Variants in ZNF430 observed in about 807,000 individuals in gnomAD.
The protein encoded by ZNF430 is zinc finger protein 430.
A neutral mutation model predicts 56.7 loss-of-function variants in ZNF430; 35 were observed. That is an observed-to-expected ratio of 0.62 (90% CI 0.47 to 0.82). The LOEUF (loss-of-function observed/expected upper bound fraction) is 0.82. Ranked by LOEUF, ZNF430 falls within the 40% of genes least tolerant of loss-of-function variation. The probability of loss-of-function intolerance (pLI) is 0.00; values close to 1 mark genes in which losing one functional copy is unlikely to be tolerated. For missense variants in ZNF430, 574 were observed against 661.0 expected, an observed-to-expected ratio of 0.87 and a Z score of 1.44; for synonymous variants, 212 against 224.3, an observed-to-expected ratio of 0.94 and a Z score of 0.49.
intron 4 of ZNF430, among the ~76,000 whole-genome samples, chr19:21,051,818 A>T (rs1599507043): frequency 6.6e-6 from 1 of 152,318 alleles, no homozygotes; most frequent in East Asian, 1.9e-4. Flanking sequence ...CATTATACTC[A>T]TACCAAATTG....
intron 4 of ZNF430, among the ~76,000 whole-genome samples, chr19:21,038,491 G>A (rs540101353): frequency 9.2e-5 from 14 of 152,104 alleles, no homozygotes; most frequent in Admixed American, 3.3e-4. Context: ...GCAGTGGCTC[G>A]ATCTCAGCTC....
chr19:21,043,910 A>G (rs73014868), intron 4 of ZNF430, among the ~76,000 whole-genome samples: 10,667 of 151,190 alleles, frequency 0.071, 456 homozygotes, highest in Non-Finnish European at 0.086. Context: ...CTGTTAATGT[A>G]TTGAAATGCT....
At chr19:21,044,196 C>A (rs765438206) in intron 4 of ZNF430, among the ~76,000 whole-genome samples, 1 of 151,934 alleles carries the variant, frequency 6.6e-6, no homozygotes, top group East Asian at 1.9e-4. Context: ...TTTGCCCTTT[C>A]GGTATGATAC....
At chr19:21,029,567 T>C (rs1322645662) in intron 2 of ZNF430, among the ~76,000 whole-genome samples, 1 of 152,128 alleles carries the variant, frequency 6.6e-6, no homozygotes, top group Non-Finnish European at 1.5e-5. Flanking sequence ...TAATTCTACA[T>C]AGGGTCCTTT....
At chr19:21,044,460 G>T (rs781719278) in intron 4 of ZNF430, among the ~76,000 whole-genome samples, 1 of 152,044 alleles carries the variant, frequency 6.6e-6, no homozygotes, top group African/African-American at 2.4e-5. Context: ...TAAGCTTTTC[G>T]ATGTGCTGCT....
chr19:21,033,618 C>T, intron 3 of ZNF430, 36 bp downstream of exon 3: 4 of 1,522,522 alleles, frequency 2.6e-6, no homozygotes, highest in Non-Finnish European at 3.5e-6. Context: ...ACTAGTATAC[C>T]CTAAAGGTTT....
At position 21,033,436 on chromosome 19, in the gene ZNF430, T is replaced by C. The variant is rs1467375230; in HGVS notation, c.97-20T>C. On this transcript the variant is annotated intron_variant, in intron 2 of 4. Transcript: ENST00000261560. ...CCACTTGGTAAATATACGTGTGTCT[T>C]GTGTGCTTGTGTTTTTCAGGGGCCA... 2 of 1,603,694 alleles carry C rather than the reference T, an allele frequency of 1.2e-6. No individual in the cohort carries two copies. Among genetic ancestry groups the C allele is most frequent in the African/African-American group, 2.7e-5 (2 of 74,384 alleles).
At chr19:21,047,927 G>A (rs1172150035) in intron 4 of ZNF430, among the ~76,000 whole-genome samples, 1 of 152,292 alleles carries the variant, frequency 6.6e-6, no homozygotes, top group East Asian at 1.9e-4. Context: ...ATTGCTCAGA[G>A]CCAGCAGGGG....
chr19:21,044,442 G>A (rs537191776), intron 4 of ZNF430, among the ~76,000 whole-genome samples: 5 of 151,968 alleles, frequency 3.3e-5, no homozygotes, highest in Non-Finnish European at 5.9e-5. Flanking sequence ...TGACTTGATC[G>A]CGGTGGATAA....
chr19:21,039,801 T>G (rs1374549068), intron 4 of ZNF430, among the ~76,000 whole-genome samples: 1 of 152,074 alleles, frequency 6.6e-6, no homozygotes, highest in African/African-American at 2.4e-5. Flanking sequence ...CATTCAGTTT[T>G]GGTCAGAAAA....
At chr19:21,036,764 C>T (rs1968006571) in intron 4 of ZNF430, 1 of 148,480 alleles carries the variant, frequency 6.7e-6, no homozygotes, top group Non-Finnish European at 1.5e-5. Context: ...AATTGTACCA[C>T]TGCACTCCAG....
chr19:21,041,517 T>C (rs941575656), intron 4 of ZNF430, among the ~76,000 whole-genome samples: 2 of 152,302 alleles, frequency 1.3e-5, no homozygotes, highest in East Asian at 3.9e-4. Context: ...ATATTATTTT[T>C]TGTGTGTTCT....
intron 3 of ZNF430, chr19:21,033,840 A>C (rs753547683): frequency 4.8e-5 from 25 of 523,150 alleles, no homozygotes; most frequent in Non-Finnish European, 7.6e-5. Context: ...AGTGGCATAA[A>C]ATATTGTTGC....
At chr19:21,026,071 G>A (rs71339724) in intron 2 of ZNF430, 9 of 285,182 alleles carry the variant, frequency 3.2e-5, no homozygotes, top group South Asian at 3.1e-4. Context: ...GTAGAGACGG[G>A]GTTTCACCAT....
intron 2 of ZNF430, among the ~76,000 whole-genome samples, chr19:21,025,048 C>A (rs942371720): frequency 6.6e-6 from 1 of 152,068 alleles, no homozygotes; most frequent in Non-Finnish European, 1.5e-5. Flanking sequence ...ACAATCCACA[C>A]CCCAAGAGAG....
At position 21,042,042 on chromosome 19, in the gene ZNF430, C is replaced by T. The variant is rs145490233; in HGVS notation, c.322+7858C>T. ...GTTCTTATTGTTCGGCTCTCACTTA[C>T]GAGTGAGAACATGTGGTGTTTGGTT... On this transcript the variant is annotated intron_variant, in intron 4 of 4. Transcript: ENST00000261560. 2.2e-3 allele frequency among the ~76,000 whole-genome samples: 328 copies of T among 152,276 alleles called. 1 individual carries two copies. The highest frequency in any genetic ancestry group is 7.6e-3 in the African/African-American group (315 of 41,566).
chr19:21,028,350 A>C (rs577049628), intron 2 of ZNF430, among the ~76,000 whole-genome samples: 1 of 152,228 alleles, frequency 6.6e-6, no homozygotes, highest in East Asian at 1.9e-4. Flanking sequence ...ATCCATAGCC[A>C]TGACCACAAC....
rs201861755 is a variant in ZNF430, at chr19:21,020,776, G to T, written c.-25G>T. ...GTATTGGGAGATCTACAGCTAAGAC[G>T]CCAGGAACCCCTGGAAGCCTAGAAA... is the stretch of plus-strand genomic sequence containing the variant. On this transcript the variant is annotated 5_prime_UTR_variant, in exon 1 of 5. Transcript: ENST00000261560. The T allele has an allele frequency of 7.4e-4, 1,193 of 1,613,586 alleles. 1 individual carries two copies. The highest frequency in any genetic ancestry group is 9.7e-4 in the Non-Finnish European group (1,147 of 1,179,704).
chr19:21,056,264 G>A (rs947457506), intron 4 of ZNF430, among the ~76,000 whole-genome samples: 1 of 152,030 alleles, frequency 6.6e-6, no homozygotes, highest in Non-Finnish European at 1.5e-5. Context: ...TGAAGTGGAC[G>A]CATCATCTGA....
Sources: allele counts gnomAD v4.1 joint callset (sites outside exome capture counted in the v4.1 genomes callset), GRCh38; gene constraint gnomAD v4.1.1; transcripts MANE v1.5; gene names NCBI Gene and HGNC (gene_info 2026-07-23, HGNC 2026-07-21).